CHRND: variants seen among roughly 807,000 people sequenced by gnomAD.
The protein encoded by CHRND is acetylcholine receptor subunit delta.
A neutral mutation model predicts 57.8 loss-of-function variants in CHRND; 40 were observed. The ratio of observed to expected loss-of-function variants is 0.69; its 90% CI spans 0.54 to 0.90. The LOEUF is 0.90. CHRND is among the 40% of genes least tolerant of loss of function. The pLI, the probability that CHRND is intolerant of heterozygous loss-of-function variation, is 0.00. For synonymous variants in CHRND, 237 were observed against 270.6 expected (o/e 0.88, Z 1.22); for missense variants, 634 against 673.9 (o/e 0.94, Z 0.66).
chr2:232,528,222 G>A (rs763516682), intron 3 of CHRND, 40 bp from the exon 4 acceptor site: 4 of 1,583,710 alleles, frequency 2.5e-6, no homozygotes, highest in South Asian at 1.1e-5. Flanking sequence ...GAGCCTGGAT[G>A]GCTGCAGAGT....
intron 5 of CHRND, 80 bp from the exon 6 acceptor site, chr2:232,528,782 G>C (rs1691577638): frequency 6.4e-7 from 1 of 1,574,722 alleles, no homozygotes; most frequent in Non-Finnish European, 8.7e-7. Flanking sequence ...CCCCACAATG[G>C]TCCTCCCTTA....
chr2:232,532,361 G>A (rs998968366), intron 9 of CHRND, among the ~76,000 whole-genome samples: 10 of 151,556 alleles, frequency 6.6e-5, no homozygotes, highest in African/African-American at 2.4e-4. Flanking sequence ...CCAGCTACTC[G>A]GGGGGCTGAG....
chr2:232,526,743 G>A, intron 2 of CHRND, 69 bp downstream of exon 2: 3 of 1,554,300 alleles, frequency 1.9e-6, no homozygotes, highest in Non-Finnish European at 2.7e-6. Context: ...GGATAGCCAT[G>A]GAGGAAGCTA....
chr2:232,532,476 CAA>C (rs578172115), intron 9 of CHRND, among the ~76,000 whole-genome samples: 24,264 of 92,296 alleles, frequency 0.26, 2,109 homozygotes, highest in East Asian at 0.35. Context: ...ACTCTGTCTC[CAA>C]AAAAAAAAAA....
chr2:232,531,294 A>G, intron 7 of CHRND, 58 bp from the exon 8 acceptor site: 2 of 947,004 alleles, frequency 2.1e-6, no homozygotes, highest in Non-Finnish European at 3.0e-6. Flanking sequence ...CCCCAAGGTC[A>G]CAGCTGGACC....
At chr2:232,530,179 G>C in intron 7 of CHRND, 40 bp downstream of exon 7, 1 of 1,590,704 alleles carries the variant, frequency 6.3e-7, no homozygotes, top group Non-Finnish European at 8.6e-7. Context: ...CCCTCCCCAA[G>C]CCCACCTGAG....
rs1574628129 is a variant in CHRND at position 232,526,861 on chromosome 2, T to A, written c.198+187T>A. Among the ~76,000 whole-genome samples, 3 of 152,246 alleles carry A rather than the reference T, an allele frequency of 2.0e-5. No individual in the cohort carries two copies. The East Asian group carries it at 5.8e-4, about 29-fold the overall frequency. On this transcript the variant is annotated intron_variant, in intron 2 of 11. Transcript: ENST00000258385. ...CCCCTCCAGTGTCAGCTCTGCGGTG[T>A]CCCCCAACCACACCCATAGCATGCC...
At chr2:232,533,872 T>A in intron 9 of CHRND, 59 bp from the exon 10 acceptor site, 1 of 1,562,432 alleles carries the variant, frequency 6.4e-7, no homozygotes, top group Non-Finnish European at 8.7e-7. Flanking sequence ...TGAGACTCCG[T>A]CTCAAAAACA....
chr2:232,535,859 G>C lies in CHRND; in HGVS notation c.*547G>C, dbSNP rs2343841. The C allele has an allele frequency of 0.026, 11,958 of 453,984 alleles. 282 individuals are homozygous for C. Among genetic ancestry groups the C allele is most frequent in the East Asian group, 0.089 (1,284 of 14,360 alleles). 28.1% of individuals were successfully genotyped at this position (453,984 alleles called of 1,614,324 possible). ...TGACCTCTCTGCCTAGGTCCCTTTG[G>C]GAAGTTGAGGACTGGAGTGGAAAGG... On this transcript the variant is annotated 3_prime_UTR_variant, in exon 12 of 12. Transcript: ENST00000258385.
intron 1 of CHRND, 55 bp from the exon 2 acceptor site, chr2:232,526,474 T>A: frequency 6.2e-7 from 1 of 1,611,950 alleles, no homozygotes; most frequent in South Asian, 1.1e-5. Flanking sequence ...GGCAGCTTCC[T>A]TCCTGAGTCC....
At chr2:232,526,761 C>T (rs1218717226) in intron 2 of CHRND, 87 bp downstream of exon 2, 1 of 1,438,946 alleles carries the variant, frequency 6.9e-7, no homozygotes, top group Non-Finnish European at 9.7e-7. Context: ...CTAGAAGCCC[C>T]CACCTGGCCT....
rs185337948 is a variant in CHRND at position 232,528,420 on chromosome 2, C to T, written c.353+49C>T. 5.8e-5 allele frequency: 94 copies of T among 1,613,644 alleles called. No homozygotes were observed. In the African/African-American group the frequency reaches 6.7e-4, roughly 11 times the overall value. On this transcript the variant is annotated intron_variant, in intron 4 of 11. Transcript: ENST00000258385. ...TCCCCTCTGTCACCCTGCCTCCTTT[C>T]CTTAAGCCTCCTCTGCCTCCCCCAA...
intron 11 of CHRND, 76 bp from the exon 12 acceptor site, chr2:232,535,054 G>A (rs1691833998): frequency 1.3e-6 from 2 of 1,569,532 alleles, no homozygotes; most frequent in Non-Finnish European, 1.7e-6. Context: ...TGCCTCCATG[G>A]CTGGGCCCCA....
At chr2:232,526,398 C>A in intron 1 of CHRND, 131 bp downstream of exon 1, 2 of 1,534,932 alleles carry the variant, frequency 1.3e-6, no homozygotes, top group South Asian at 1.2e-5. Context: ...TCTGGGGTCC[C>A]CACTCCCAGG....
chr2:232,534,400 A>T, intron 11 of CHRND, 58 bp downstream of exon 11: 1 of 1,528,430 alleles, frequency 6.5e-7, no homozygotes, highest in Non-Finnish European at 9.1e-7. Flanking sequence ...GATTAAGTGT[A>T]TTCTATCTTA....
chr2:232,530,226 T>A (rs1691637634), intron 7 of CHRND, 87 bp downstream of exon 7: 2 of 1,406,200 alleles, frequency 1.4e-6, no homozygotes, highest in African/African-American at 2.8e-5. Context: ...CACTTCCTCC[T>A]GGGAGCCACC....
intron 2 of CHRND, 83 bp from the exon 3 acceptor site, chr2:232,527,318 G>GAT: frequency 8.1e-7 from 1 of 1,237,746 alleles, no homozygotes; most frequent in South Asian, 1.2e-5. Context: ...AAAAGAGAGA[G>GAT]AGAGAGAGAG....
Position 232,526,545 on chromosome 2 carries a change from C to T in CHRND, c.69C>T (p.Asn23=). The part of the protein sequence containing the change: ...ALAVCGSWGL[N]EEERLIRHLF... ...CCTCCCCAGGCAGCTGGGGGCTGAACGAGGAGGAGCGGCTGATCCGGCACC... is the reference window on the plus strand; with the variant it reads ...CCTCCCCAGGCAGCTGGGGGCTGAATGAGGAGGAGCGGCTGATCCGGCACC... Residue 23 remains asparagine (N), a synonymous_variant, in exon 2 of 12, where the codon AAC becomes AAT. Coordinates refer to ENST00000258385, the MANE Select transcript of CHRND (RefSeq NM_000751.3). The T allele has an allele frequency of 2.5e-6, 4 of 1,613,680 alleles. No individual in the cohort carries two copies. Among genetic ancestry groups the T allele is most frequent in the South Asian group, 1.1e-5 (1 of 91,092 alleles).
Position 232,531,430 on chromosome 2 carries a change from C to A in CHRND, c.899C>A (p.Pro300His), listed in dbSNP as rs145981548. ...CTGCTGCTCATCTCCAAGCGTCTGC[C>A]TGCCACATCCATGGCCATCCCCCTT... ...VFLLLISKRLPATSMAIPLIG... is the reference protein window; with the variant it reads ...VFLLLISKRLHATSMAIPLIG... The change falls in exon 8 of 12, where the codon CCT becomes CAT. Residue 300 changes from proline to histidine, a missense_variant. Transcript: ENST00000258385. 3 of 1,613,956 alleles carry A rather than the reference C, an allele frequency of 1.9e-6. No homozygotes were observed. The highest frequency in any genetic ancestry group is 1.7e-6 in the Non-Finnish European group (2 of 1,180,018).
Sources: allele counts gnomAD v4.1 joint callset (sites outside exome capture counted in the v4.1 genomes callset), GRCh38; gene constraint gnomAD v4.1.1; transcripts MANE v1.5; gene names NCBI Gene and HGNC (gene_info 2026-07-23, HGNC 2026-07-21).